Variants in KANK1 observed in about 807,000 individuals in gnomAD.
KANK1 encodes KN motif and ankyrin repeat domain-containing protein 1.
A neutral mutation model predicts 106.2 loss-of-function variants in KANK1; 109 were observed. The ratio of observed to expected loss-of-function variants is 1.03; its 90% CI spans 0.88 to 1.20. The LOEUF (loss-of-function observed/expected upper bound fraction) is 1.20, where lower values mean the gene tolerates loss of function less well. KANK1 is among the 50% of genes most tolerant of loss of function. The pLI is 0.00. For missense variants in KANK1, 2,399 were observed against 1,710.7 expected, an observed-to-expected ratio of 1.40 and a Z score of -7.10; for synonymous variants, 873 against 652.2, an observed-to-expected ratio of 1.34 and a Z score of -5.16.
At chr9:677,082 A>C in intron 2 of KANK1, 73 bp downstream of exon 2, 1 of 1,369,520 alleles carries the variant, frequency 7.3e-7, no homozygotes, top group Non-Finnish European at 1.0e-6. Context: ...TCTCTTTAAT[A>C]ATGAACGGAT....
chr9:512,230 A>AGT (rs71678968), intron 1 of KANK1, among the ~76,000 whole-genome samples: 7,348 of 136,924 alleles, frequency 0.054, 247 homozygotes, highest in East Asian at 0.13. Flanking sequence ...CATAACCAAT[A>AGT]GTGTGTGTGT....
At chr9:471,800 G>A (rs1287976567) in intron 2 of KANK1, among the ~76,000 whole-genome samples, 5 of 152,124 alleles carry the variant, frequency 3.3e-5, no homozygotes, top group African/African-American at 9.7e-5. Flanking sequence ...AGGCTGAGGC[G>A]AGAGAATCGT....
Position 686,191 on chromosome 9 carries a change from C to G in KANK1, c.37+9182C>G, listed in dbSNP as rs573432876. On this transcript the variant is annotated intron_variant, in intron 2 of 11. Coordinates refer to ENST00000382297, the MANE Select transcript of KANK1 (RefSeq NM_015158.5). ...CTCTCTTCCTCTGTTCTCAGTATCC[C>G]CCTCATGTAAGTCTGTCTACCCAAC... Among the ~76,000 whole-genome samples, 10 of 152,238 alleles carry G rather than the reference C, an allele frequency of 6.6e-5. No homozygotes were observed. In the South Asian group the frequency reaches 2.1e-3, roughly 32 times the overall value.
chr9:744,817 C>G, intron 11 of KANK1: 1 of 1,434,668 alleles, frequency 7.0e-7, no homozygotes, highest in South Asian at 1.5e-5. Context: ...CATATGCTCA[C>G]AGCTTCCCAT....
chr9:533,582 G>A (rs924854894), intron 1 of KANK1, among the ~76,000 whole-genome samples: 1 of 152,184 alleles, frequency 6.6e-6, no homozygotes, highest in Non-Finnish European at 1.5e-5. Flanking sequence ...TCTGAATCCT[G>A]AATAGTTTTT....
chr9:655,681 A>G (rs1841984962), intron 1 of KANK1, among the ~76,000 whole-genome samples: 1 of 152,222 alleles, frequency 6.6e-6, no homozygotes, highest in South Asian at 2.1e-4. Flanking sequence ...GTAAGTGCTT[A>G]TCAACACACA....
chr9:609,285 T>A (rs768682853), intron 1 of KANK1, among the ~76,000 whole-genome samples: 18 of 152,210 alleles, frequency 1.2e-4, no homozygotes, highest in Non-Finnish European at 2.2e-4. Context: ...TGCTTAACAG[T>A]TCTTTGGGAA....
intron 1 of KANK1, among the ~76,000 whole-genome samples, chr9:648,535 A>T (rs1210581805): frequency 6.6e-6 from 1 of 152,176 alleles, no homozygotes; most frequent in African/African-American, 2.4e-5. Context: ...AACATTGGGT[A>T]TCCTAGGCTC....
intron 1 of KANK1, among the ~76,000 whole-genome samples, chr9:557,617 A>G (rs3739592): frequency 0.14 from 21,014 of 152,252 alleles, 1,644 homozygotes; most frequent in East Asian, 0.3. Context: ...TCTCATGGCC[A>G]CAGATAGTAA....
rs767654835 is a variant in KANK1 at position 711,233 on chromosome 9, A to G, written c.467A>G (p.Lys156Arg). ...CCAAAGCATAACCTTCATGTCACCA[A>G]GACACTGATGGAGACCCGGAGAAGA... ...QLPKHNLHVT[K>R]TLMETRRRLE... is the part of the protein sequence containing the mutation. The change falls in exon 3 of 12, where the codon AAG (lysine) becomes AGG (arginine). Residue 156 changes from lysine to arginine, a missense_variant. Transcript: ENST00000382297. The G allele has an allele frequency of 1.9e-6, 3 of 1,614,132 alleles. No homozygotes were observed. The highest frequency in any genetic ancestry group is 1.1e-5 in the South Asian group (1 of 91,080).
At position 731,275 on chromosome 9, in the gene KANK1, A is replaced by G. The variant is rs184585076; in HGVS notation, c.3005+9A>G. 14 of 1,521,200 alleles carry G rather than the reference A, an allele frequency of 9.2e-6. No homozygotes were observed. In the East Asian group the frequency reaches 2.7e-4, roughly 29 times the overall value. The allele number at this position is 1,521,200 out of a possible 1,614,324, so 94.2% of individuals were successfully genotyped here. On this transcript the variant is annotated intron_variant, in intron 5 of 11. Transcript: ENST00000382297. ...GTTGGCATTAATGGAGGGTAAGGAA[A>G]GATGGTGGTTCTAGAGGCTAATGCT...
At chr9:701,196 C>T (rs140110490) in intron 2 of KANK1, among the ~76,000 whole-genome samples, 1,955 of 152,258 alleles carry the variant, frequency 0.013, 44 homozygotes, top group African/African-American at 0.045. Flanking sequence ...TCACCACAAC[C>T]TCTGCCTCAC....
At chr9:484,316 C>G (rs2058255543) in intron 3 of KANK1, 1 of 152,236 alleles carries the variant, frequency 6.6e-6, no homozygotes, top group East Asian at 1.9e-4. Context: ...TTCTCTGAAC[C>G]ATTGCTCACA....
chr9:516,002 C>G (rs1350630127), intron 1 of KANK1, among the ~76,000 whole-genome samples: 3 of 151,754 alleles, frequency 2.0e-5, no homozygotes, highest in Admixed American at 6.6e-5. Flanking sequence ...ACCTGTATGC[C>G]TCTTTAGGAA....
chr9:708,479 C>T (rs913392795), intron 2 of KANK1, among the ~76,000 whole-genome samples: 1 of 152,230 alleles, frequency 6.6e-6, no homozygotes, highest in African/African-American at 2.4e-5. Flanking sequence ...GAATTCACTT[C>T]CCACACGTGT....
At chr9:713,487 G>C in intron 3 of KANK1, 23 bp downstream of exon 3, 1 of 1,524,258 alleles carries the variant, frequency 6.6e-7, no homozygotes, top group Non-Finnish European at 8.8e-7. Context: ...CTGAGGACCT[G>C]GGAATGAGGA....
intron 3 of KANK1, among the ~76,000 whole-genome samples, chr9:497,756 G>A (rs1347184658): frequency 2.6e-5 from 4 of 152,014 alleles, no homozygotes; most frequent in Non-Finnish European, 4.4e-5. Flanking sequence ...GGGAAGCGGA[G>A]GTAGGAGGAT....
At chr9:501,476 A>G (rs1411127497), upstream of KANK1, among the ~76,000 whole-genome samples, 1 of 152,220 alleles carries the variant, frequency 6.6e-6, no homozygotes, top group Non-Finnish European at 1.5e-5. Flanking sequence ...GCCTTCATTT[A>G]TAGCTAAGGG....
At chr9:600,851 T>G (rs1312964712) in intron 1 of KANK1, among the ~76,000 whole-genome samples, 2 of 151,884 alleles carry the variant, frequency 1.3e-5, no homozygotes, top group Non-Finnish European at 2.9e-5. Flanking sequence ...TGCTAACATG[T>G]TCTAAAGTTA....
Sources: allele counts gnomAD v4.1 joint callset (sites outside exome capture counted in the v4.1 genomes callset), GRCh38; gene constraint gnomAD v4.1.1; transcripts MANE v1.5; gene names NCBI Gene and HGNC (gene_info 2026-07-23, HGNC 2026-07-21).